Variants in CSF1 observed in about 807,000 individuals in gnomAD.
CSF1 encodes the protein colony stimulating factor 1.
In CSF1, 9 loss-of-function variants were observed where a neutral mutation model predicts 48.9. The observed-to-expected ratio is 0.18, with a 90% CI of 0.11 to 0.32. CSF1 has a LOEUF of 0.32. CSF1 is among the 10% of genes least tolerant of loss of function. The pLI is 1.00. For missense variants in CSF1, 672 were observed against 697.9 expected (o/e 0.96, Z 0.42); for synonymous variants, 305 against 284.1 (o/e 1.07, Z -0.74).
intron 2 of CSF1, among the ~76,000 whole-genome samples, chr1:109,915,416 G>A (rs1005347957): frequency 1.3e-5 from 2 of 152,148 alleles, no homozygotes; most frequent in African/African-American, 4.8e-5. Flanking sequence ...GGTGGTAGAA[G>A]GAAAGAAGAG....
chr1:109,921,194 T>G (rs1647519054), intron 4 of CSF1, among the ~76,000 whole-genome samples: 1 of 152,222 alleles, frequency 6.6e-6, no homozygotes, highest in Non-Finnish European at 1.5e-5. Context: ...AAACTAAAAG[T>G]TCTGGTCTTG....
chr1:109,921,971 G>T lies in CSF1; in HGVS notation c.521G>T (p.Ser174Ile), dbSNP rs200625266. Reference sequence around the variant, plus strand: ...ATTTTCAGCAAGAACTGCAACAACAGCTTTGCTGAATGCTCCAGCCAAGGT... The same window carrying T: ...ATTTTCAGCAAGAACTGCAACAACATCTTTGCTGAATGCTCCAGCCAAGGT... ...WNIFSKNCNN[S>I]FAECSSQDVV... The change falls in exon 5 of 9, where the codon AGC becomes ATC. Residue 174 changes from serine to isoleucine, a missense_variant. By Grantham distance (142) the Ser-to-Ile change is moderately radical. This residue lies in a region of CSF1 where 591 missense variants were observed against 593.6 expected (regional missense o/e 1.00). Transcript: ENST00000329608. The T allele has an allele frequency of 5.8e-5, 93 of 1,605,606 alleles. No homozygotes were observed. Among genetic ancestry groups the T allele is most frequent in the Non-Finnish European group, 7.1e-5 (84 of 1,175,018 alleles).
At chr1:109,914,432 A>C (rs1205995134) in intron 2 of CSF1, 51 bp downstream of exon 2, 3 of 1,525,136 alleles carry the variant, frequency 2.0e-6, no homozygotes, top group Non-Finnish European at 2.6e-6. Context: ...GGGGAAATGA[A>C]GGCAGGAGCC....
At chr1:109,918,434 A>G (rs1042789199) in intron 4 of CSF1, among the ~76,000 whole-genome samples, 4 of 152,130 alleles carry the variant, frequency 2.6e-5, no homozygotes, top group African/African-American at 9.7e-5. Context: ...TGGAGGATAG[A>G]CCACAGGGGG....
At chr1:109,910,679 G>C (rs1016043778), upstream of CSF1, 1 of 337,772 alleles carries the variant, frequency 3.0e-6, no homozygotes, top group Non-Finnish European at 5.9e-6. Context: ...GGCGGGTGGG[G>C]GAGGGGAGGC....
At chr1:109,915,064 C>G (rs1382794280) in intron 2 of CSF1, among the ~76,000 whole-genome samples, 2 of 152,050 alleles carry the variant, frequency 1.3e-5, no homozygotes, top group African/African-American at 2.4e-5. Flanking sequence ...TGGCTAACGC[C>G]AGCTCCAGGG....
intron 5 of CSF1, 108 bp from the exon 6 acceptor site, chr1:109,923,058 C>G (rs1647636371): frequency 1.8e-6 from 2 of 1,129,886 alleles, no homozygotes; most frequent in African/African-American, 1.6e-5. Flanking sequence ...ATGAGGGCCC[C>G]CCAGACTCAC....
Position 109,923,343 on chromosome 1 carries a change from T to C in CSF1, c.722T>C (p.Leu241Pro), listed in dbSNP as rs199934990. Reference protein sequence around the residue: ...GSSLLPGEQPLHTVDPGSAKQ... With the variant: ...GSSLLPGEQPPHTVDPGSAKQ... Reference sequence around the variant, plus strand: ...TCCCTCTTGCCTGGTGAGCAGCCCCTGCACACAGTGGATCCAGGCAGTGCC... The same window carrying C: ...TCCCTCTTGCCTGGTGAGCAGCCCCCGCACACAGTGGATCCAGGCAGTGCC... The change falls in exon 6 of 9, where the codon CTG (leucine) becomes CCG (proline). Residue 241 changes from leucine (L) to proline (P), a missense_variant. Physicochemically the swap from Leu to Pro is moderately conservative, Grantham distance 98. Around this residue, in one of 3 missense-constraint regions of CSF1, gnomAD observed 591 missense variants for 593.6 expected, o/e 1.00. Coordinates refer to ENST00000329608, the MANE Select transcript of CSF1 (RefSeq NM_000757.6). The C allele has an allele frequency of 7.1e-5, 115 of 1,612,558 alleles. No homozygotes were observed. The East Asian group carries it at 2.4e-3, about 33-fold the overall frequency.
intron 1 of CSF1, among the ~76,000 whole-genome samples, chr1:109,911,557 G>A (rs1008976700): frequency 1.3e-5 from 2 of 152,140 alleles, no homozygotes; most frequent in East Asian, 1.9e-4. Context: ...CCAGGGACTT[G>A]CTGGCAGAGG....
chr1:109,920,874 A>G (rs1410202855), intron 4 of CSF1, among the ~76,000 whole-genome samples: 2 of 152,028 alleles, frequency 1.3e-5, no homozygotes, highest in Non-Finnish European at 2.9e-5. Context: ...TCAGGAGGAG[A>G]AGGGGAGCTT....
intron 1 of CSF1, 133 bp from the exon 2 acceptor site, chr1:109,914,126 G>A: frequency 1.1e-6 from 1 of 952,214 alleles, no homozygotes. Context: ...TTTGAGGGAT[G>A]CTGTATCCTG....
chr1:109,917,111 G>T (rs988045805), intron 3 of CSF1, among the ~76,000 whole-genome samples, 182 bp from the exon 4 acceptor site: 2 of 151,920 alleles, frequency 1.3e-5, no homozygotes, highest in South Asian at 4.1e-4. Context: ...CTCCAGTGGC[G>T]CTAGATCCCA....
At chr1:109,914,224 A>T in intron 1 of CSF1, 35 bp from the exon 2 acceptor site, 1 of 1,567,184 alleles carries the variant, frequency 6.4e-7, no homozygotes, top group Non-Finnish European at 8.7e-7. Context: ...GGGGAGAGTG[A>T]GACCTGGGGA....
intron 7 of CSF1, 83 bp downstream of exon 7, chr1:109,924,911 C>T (rs1647770858): frequency 1.5e-5 from 20 of 1,371,730 alleles, no homozygotes; most frequent in Non-Finnish European, 2.0e-5. Context: ...GTGGGGCTCT[C>T]CTGCTTGCTC....
At chr1:109,922,247 C>T (rs1647591866) in intron 5 of CSF1, 2 of 369,892 alleles carry the variant, frequency 5.4e-6, no homozygotes, top group Non-Finnish European at 9.6e-6. Context: ...CAAGAAGGAT[C>T]ATGCTGGTGC....
intron 1 of CSF1, among the ~76,000 whole-genome samples, chr1:109,913,342 A>C (rs2101639509): frequency 6.6e-6 from 1 of 152,336 alleles, no homozygotes; most frequent in Non-Finnish European, 1.5e-5. Context: ...CTGGAGAAAG[A>C]AAGCCCAAGA....
At chr1:109,913,314 T>C (rs560257905) in intron 1 of CSF1, among the ~76,000 whole-genome samples, 1 of 152,316 alleles carries the variant, frequency 6.6e-6, no homozygotes, top group South Asian at 2.1e-4. Context: ...TTGGGAGCTC[T>C]CAGGAGGTGA....
chr1:109,919,637 C>G lies in CSF1; in HGVS notation c.396+2174C>G, dbSNP rs192094987. ...GAAAATGCATATTCCTAGGACACAC[C>G]CCTAGAGAGTCTGATACACTGGGTT... On this transcript the variant is annotated intron_variant, in intron 4 of 8. Transcript: ENST00000329608. Among the ~76,000 whole-genome samples the G allele has an allele frequency of 3.3e-3, 508 of 152,156 alleles. 1 individual carries two copies. The highest frequency in any genetic ancestry group is 5.8e-3 in the Non-Finnish European group (393 of 68,026).
intron 4 of CSF1, among the ~76,000 whole-genome samples, chr1:109,918,421 A>C (rs1647354934): frequency 6.6e-6 from 1 of 152,164 alleles, no homozygotes; most frequent in Non-Finnish European, 1.5e-5. Flanking sequence ...CCTGGTTGCT[A>C]TGTGGAGGAT....
Sources: gnomAD v4.1 joint callset for allele counts (sites outside exome capture counted in the v4.1 genomes callset) on GRCh38, gnomAD v4.1.1 for gene constraint, gnomAD v4.1.1 regional missense constraint, MANE v1.5 for transcripts, NCBI Gene and HGNC (gene_info 2026-07-23, HGNC 2026-07-21) for gene names.